The following AACS variants were observed in gnomAD, a reference collection of about 807,000 sequenced individuals.
AACS encodes acetoacetate-CoA ligase.
Under a neutral mutation model 83.1 loss-of-function variants are expected in AACS, and 69 were observed. The observed-to-expected ratio is 0.83, with a 90% CI of 0.68 to 1.01. The LOEUF is 1.01. Ranked by LOEUF, AACS falls within the 50% of genes least tolerant of loss-of-function variation. The probability of loss-of-function intolerance (pLI) is 0.00; values close to 1 mark genes in which losing one functional copy is unlikely to be tolerated. For missense variants in AACS, 866 were observed against 882.2 expected, an observed-to-expected ratio of 0.98 and a Z score of 0.23; for synonymous variants, 333 against 343.4, an observed-to-expected ratio of 0.97 and a Z score of 0.33.
intron 10 of AACS, chr12:125,122,427 A>C (rs1401393577): frequency 1.3e-5 from 2 of 152,142 alleles, no homozygotes; most frequent in East Asian, 3.9e-4. Context: ...CCATGTCAGG[A>C]GTTCGAGACC....
chr12:125,136,918 C>T (rs1957409816), intron 17 of AACS, 54 bp downstream of exon 17: 1 of 1,572,390 alleles, frequency 6.4e-7, no homozygotes, highest in East Asian at 2.2e-5. Context: ...CACGAGCCCA[C>T]ACATTGAGGG....
chr12:125,105,912 A>G (rs571106270), intron 7 of AACS: 4 of 152,212 alleles, frequency 2.6e-5, no homozygotes, highest in African/African-American at 7.2e-5. Flanking sequence ...TAGAGGTGGG[A>G]TGGGGTTTTC....
chr12:125,095,019 G>C (rs926239707), intron 5 of AACS, among the ~76,000 whole-genome samples: 3 of 95,252 alleles, frequency 3.1e-5, no homozygotes, highest in East Asian at 7.8e-4. Flanking sequence ...GTGTGTGTGT[G>C]TGTGTCTGTG....
intron 5 of AACS, among the ~76,000 whole-genome samples, chr12:125,099,432 C>T (rs1956674084): frequency 6.6e-6 from 1 of 152,232 alleles, no homozygotes; most frequent in Admixed American, 6.5e-5. Context: ...GTCATCCATT[C>T]TATCTGGATT....
intron 3 of AACS, chr12:125,078,351 C>T (rs774254075): frequency 1.5e-4 from 67 of 455,946 alleles, no homozygotes; most frequent in African/African-American, 1.2e-3. Context: ...AGCAACGTCT[C>T]GACGTACCAT....
At chr12:125,091,112 G>A in intron 4 of AACS, 1 of 390,782 alleles carries the variant, frequency 2.6e-6, no homozygotes, top group Non-Finnish European at 4.9e-6. Context: ...AAAGGCAGGA[G>A]GTGATTAGGA....
intron 1 of AACS, among the ~76,000 whole-genome samples, chr12:125,072,021 C>T (rs1955879502): frequency 6.6e-6 from 1 of 152,052 alleles, no homozygotes; most frequent in Non-Finnish European, 1.5e-5. Flanking sequence ...CCACACCTAG[C>T]TAATTTTTTG....
At chr12:125,093,835 C>T (rs549238105) in intron 5 of AACS, among the ~76,000 whole-genome samples, 23 of 152,212 alleles carry the variant, frequency 1.5e-4, no homozygotes, top group Non-Finnish European at 1.9e-4. Flanking sequence ...GCACGTTACT[C>T]GCACTCGAAC....
At position 125,099,437 on chromosome 12, in the gene AACS, T is replaced by G. The variant is rs554833817; in HGVS notation, c.571-3242T>G. Among the ~76,000 whole-genome samples, 4 of 152,382 alleles carry G rather than the reference T, an allele frequency of 2.6e-5. No homozygotes were observed. In the East Asian group the frequency reaches 7.7e-4, roughly 29 times the overall value. On this transcript the variant is annotated intron_variant, in intron 5 of 17. Coordinates refer to ENST00000316519, the MANE Select transcript of AACS (RefSeq NM_023928.5). ...TTCTTGAGAAGTCATCCATTCTATC[T>G]GGATTTCAAAATCTATTAAACATTG... is the stretch of plus-strand genomic sequence containing the variant.
intron 5 of AACS, among the ~76,000 whole-genome samples, chr12:125,100,663 C>T (rs1273151413): frequency 6.6e-6 from 1 of 152,214 alleles, no homozygotes; most frequent in African/African-American, 2.4e-5. Context: ...ACCTCAGGAT[C>T]ATCTGGATGG....
intron 12 of AACS, chr12:125,127,559 A>T (rs1222019694): frequency 1.3e-5 from 2 of 152,218 alleles, no homozygotes; most frequent in Non-Finnish European, 2.9e-5. Context: ...CTTGTGCCTC[A>T]GCCTCCTGAG....
chr12:125,113,055 C>T lies in AACS; in HGVS notation c.916-1422C>T, dbSNP rs1202747787. ...ATATCAGGCAGCGTCTGCCTGTCTG[C>T]CTGGCAGTCTCTGGAAGCTTCAGTT... On this transcript the variant is annotated intron_variant, in intron 8 of 17. Transcript: ENST00000316519. This position sits in a 1 kb window ranked among gnomAD's most constrained non-coding sequence, Gnocchi z 4.8. Among the ~76,000 whole-genome samples the T allele has an allele frequency of 6.6e-6, 1 of 152,156 alleles. No homozygotes were observed. Among genetic ancestry groups the T allele is most frequent in the Non-Finnish European group, 1.5e-5 (1 of 68,024 alleles).
intron 13 of AACS, 117 bp downstream of exon 13, chr12:125,128,391 G>C: frequency 1.1e-6 from 1 of 882,432 alleles, no homozygotes. Context: ...CGGAGGGGAG[G>C]CCCCTGTCAC....
chr12:125,065,794 G>T, intron 1 of AACS, 77 bp downstream of exon 1: 1 of 1,413,012 alleles, frequency 7.1e-7, no homozygotes, highest in Admixed American at 3.4e-5. Flanking sequence ...TCTCCCCATG[G>T]CTAGTTTCAC....
At chr12:125,073,015 C>A (rs1034916307) in intron 1 of AACS, among the ~76,000 whole-genome samples, 4 of 148,562 alleles carry the variant, frequency 2.7e-5, no homozygotes, top group Non-Finnish European at 5.9e-5. Context: ...TCATCCTCGG[C>A]CTCCCAGGTT....
intron 4 of AACS, among the ~76,000 whole-genome samples, chr12:125,087,526 T>C (rs1419859480): frequency 2.0e-5 from 3 of 152,120 alleles, no homozygotes; most frequent in Non-Finnish European, 4.4e-5. Context: ...GCCCTGGTGG[T>C]TGGGGCTCCC....
rs1351532478 is a variant in AACS, at chr12:125,074,981, T to TG, written c.237+1002_237+1003insG. Among the ~76,000 whole-genome samples the TG allele has an allele frequency of 3.3e-5, 5 of 149,828 alleles. No homozygotes were observed. In the East Asian group the frequency reaches 5.9e-4, roughly 18 times the overall value. Reference sequence around the variant, plus strand: ...GCCTGGCCACATTGTCATAGTTTTTTTTTTTTTTTTTTGAGATGGATTCTT... The same window carrying TG: ...GCCTGGCCACATTGTCATAGTTTTTTGTTTTTTTTTTTTGAGATGGATTCTT... On this transcript the variant is annotated intron_variant, in intron 2 of 17. Coordinates refer to ENST00000316519, the MANE Select transcript of AACS (RefSeq NM_023928.5).
intron 5 of AACS, among the ~76,000 whole-genome samples, chr12:125,095,870 A>T (rs1445514414): frequency 4.6e-5 from 7 of 152,246 alleles, no homozygotes; most frequent in Non-Finnish European, 8.8e-5. Flanking sequence ...CAGACAAGCC[A>T]GGCTGCAGCC....
Position 125,071,464 on chromosome 12 carries a change from CA to C in AACS, c.134-2411del, listed in dbSNP as rs1955859533. 3.9e-5 allele frequency among the ~76,000 whole-genome samples: 6 copies of C among 152,292 alleles called. No individual in the cohort carries two copies. In the South Asian group the frequency reaches 1.0e-3, roughly 26 times the overall value. ...AAATGGATTTATGTGCTTGCTTTGGCAGCACATATACTAGGTAGAAAAATTT... is the reference window on the plus strand; with the variant it reads ...AAATGGATTTATGTGCTTGCTTTGGCGCACATATACTAGGTAGAAAAATTT... On this transcript the variant is annotated intron_variant, in intron 1 of 17. Transcript: ENST00000316519.
Sources: allele counts gnomAD v4.1 joint callset (sites outside exome capture counted in the v4.1 genomes callset), GRCh38; gene constraint gnomAD v4.1.1; non-coding constraint Gnocchi (gnomAD v3.1); transcripts MANE v1.5; gene names NCBI Gene and HGNC (gene_info 2026-07-23, HGNC 2026-07-21).